The following CACNG2 variants were observed in gnomAD, a reference collection of about 807,000 sequenced individuals.
CACNG2 encodes voltage-dependent calcium channel gamma-2 subunit.
A neutral mutation model predicts 25.9 loss-of-function variants in CACNG2; 3 were observed. The ratio of observed to expected loss-of-function variants is 0.12; its 90% CI spans 0.05 to 0.30. The LOEUF (loss-of-function observed/expected upper bound fraction) is 0.30, where lower values mean the gene tolerates loss of function less well. Among genes scored for constraint, CACNG2 ranks in the 10% least tolerant of loss-of-function variants. CACNG2 has a pLI of 1.00. For synonymous variants in CACNG2, 167 were observed against 173.3 expected (o/e 0.96, Z 0.29); for missense variants, 341 against 432.5 (o/e 0.79, Z 1.88).
At chr22:36,600,363 C>A (rs1215156708) in intron 1 of CACNG2, among the ~76,000 whole-genome samples, 1 of 151,868 alleles carries the variant, frequency 6.6e-6, no homozygotes, top group East Asian at 1.9e-4. Flanking sequence ...GATCCTCCTG[C>A]CTCAGTCTCC....
At chr22:36,697,632 A>G (rs1031883113) in intron 1 of CACNG2, among the ~76,000 whole-genome samples, 1 of 152,146 alleles carries the variant, frequency 6.6e-6, no homozygotes, top group African/African-American at 2.4e-5. Flanking sequence ...CAGGTAGAGG[A>G]GCCGGGTTTG....
chr22:36,673,728 C>T (rs554798075), intron 1 of CACNG2, among the ~76,000 whole-genome samples: 14 of 152,250 alleles, frequency 9.2e-5, no homozygotes, highest in African/African-American at 3.4e-4. Context: ...CCTCTCTCTT[C>T]AGAGGTTCCT....
At chr22:36,631,468 C>A (rs1244324785) in intron 1 of CACNG2, among the ~76,000 whole-genome samples, 1 of 152,150 alleles carries the variant, frequency 6.6e-6, no homozygotes, top group African/African-American at 2.4e-5. Flanking sequence ...CCAGGATGGT[C>A]TTCCTGTCCA....
In CACNG2 at chr22:36,606,727, A is replaced by G. The variant is rs1007378501; in HGVS notation, c.212-19179T>C. 1.3e-5 allele frequency among the ~76,000 whole-genome samples: 2 copies of G among 151,922 alleles called. No individual in the cohort carries two copies. Among genetic ancestry groups the G allele is most frequent in the Non-Finnish European group, 2.9e-5 (2 of 67,976 alleles). On this transcript the variant is annotated intron_variant, in intron 1 of 3. Coordinates refer to ENST00000300105, the MANE Select transcript of CACNG2 (RefSeq NM_006078.5). The surrounding 1 kb of genome is among the most constrained non-coding windows in gnomAD (Gnocchi z 5.7). ...GATGCTGAAGCCAGAAGTGTCATTTAGAGGACGGAAACCAGACGGTTGGGC... is the reference window on the plus strand; with the variant it reads ...GATGCTGAAGCCAGAAGTGTCATTTGGAGGACGGAAACCAGACGGTTGGGC...
At chr22:36,581,202 T>C (rs756545844) in intron 2 of CACNG2, among the ~76,000 whole-genome samples, 6 of 152,064 alleles carry the variant, frequency 3.9e-5, no homozygotes, top group Non-Finnish European at 7.4e-5. Context: ...GTAAGCCAGT[T>C]ATAGGTGGGG....
At chr22:36,701,159 G>A (rs1038736555) in intron 1 of CACNG2, among the ~76,000 whole-genome samples, 5 of 151,990 alleles carry the variant, frequency 3.3e-5, no homozygotes, top group Admixed American at 2.0e-4. Context: ...TGCCTCAAAC[G>A]GCCCCCAGTA....
At chr22:36,685,321 T>C (rs1351693208) in intron 1 of CACNG2, among the ~76,000 whole-genome samples, 1 of 151,884 alleles carries the variant, frequency 6.6e-6, no homozygotes, top group Non-Finnish European at 1.5e-5. Flanking sequence ...GCAGCTTCCA[T>C]CTCTCCCGGG....
intron 1 of CACNG2, among the ~76,000 whole-genome samples, chr22:36,692,503 C>G (rs1486525082): frequency 6.6e-6 from 1 of 152,234 alleles, no homozygotes; most frequent in Admixed American, 6.5e-5. Flanking sequence ...GGAGGCACCA[C>G]AGAGGACCTC....
At chr22:36,665,711 AAACAAAAAACAACAAC>A (rs1464008665) in intron 1 of CACNG2, among the ~76,000 whole-genome samples, 1 of 152,236 alleles carries the variant, frequency 6.6e-6, no homozygotes, top group Non-Finnish European at 1.5e-5. Flanking sequence ...CAAAGCAAAC[AAACAAAAAACAACAAC>A]AACAAAAAAC....
chr22:36,686,547 T>C (rs533978747), intron 1 of CACNG2, among the ~76,000 whole-genome samples: 113 of 152,258 alleles, frequency 7.4e-4, no homozygotes, highest in African/African-American at 2.5e-3. Flanking sequence ...AGCTGGGGAT[T>C]CTATCCACCC....
intron 1 of CACNG2, among the ~76,000 whole-genome samples, chr22:36,678,653 TATG>T (rs1206365467): frequency 1.4e-5 from 2 of 142,070 alleles, no homozygotes; most frequent in African/African-American, 5.3e-5. Context: ...ACACTACGGA[TATG>T]ACCTCATTTC....
At chr22:36,662,155 T>G (rs796079636) in intron 1 of CACNG2, among the ~76,000 whole-genome samples, 11 of 151,868 alleles carry the variant, frequency 7.2e-5, no homozygotes, top group African/African-American at 2.2e-4. Context: ...ATTTTTTTTG[T>G]ATTTTTAGTA....
At position 36,653,332 on chromosome 22, in the gene CACNG2, CAAAAG is replaced by C. The variant is rs555887299; in HGVS notation, c.211+49029_211+49033del. Among the ~76,000 whole-genome samples, 42 of 151,796 alleles carry C rather than the reference CAAAAG, an allele frequency of 2.8e-4. No homozygotes were observed. The South Asian group carries it at 5.6e-3, about 20-fold the overall frequency. On this transcript the variant is annotated intron_variant, in intron 1 of 3. Coordinates refer to ENST00000300105, the MANE Select transcript of CACNG2 (RefSeq NM_006078.5). ...AGAGTGAAGCTCAGTCTCAAAAAAA[CAAAAG>C]AAAACAAAAAACGGATGAGTTGCTA...
chr22:36,683,244 C>T (rs1937150285), intron 1 of CACNG2, among the ~76,000 whole-genome samples: 1 of 152,222 alleles, frequency 6.6e-6, no homozygotes, highest in Non-Finnish European at 1.5e-5. Context: ...TAAGAAGTAG[C>T]TATGTCTCTT....
At chr22:36,626,215 C>CG (rs1280970959) in intron 1 of CACNG2, among the ~76,000 whole-genome samples, 1 of 152,290 alleles carries the variant, frequency 6.6e-6, no homozygotes, top group African/African-American at 2.4e-5. Flanking sequence ...CCACCGCACC[C>CG]GGCGACACCT....
intron 2 of CACNG2, among the ~76,000 whole-genome samples, chr22:36,570,790 A>C (rs1455423016): frequency 6.7e-6 from 1 of 149,862 alleles, no homozygotes; most frequent in Admixed American, 6.6e-5. Context: ...AAAAGGCAAC[A>C]GTGGGCAACC....
intron 1 of CACNG2, among the ~76,000 whole-genome samples, chr22:36,672,938 G>GA (rs919529114): frequency 6.6e-6 from 1 of 152,204 alleles, no homozygotes; most frequent in African/African-American, 2.4e-5. Context: ...GTTATGTGTT[G>GA]AAGGAGGCTG....
chr22:36,604,678 A>G (rs1603501420), intron 1 of CACNG2, among the ~76,000 whole-genome samples: 3 of 152,368 alleles, frequency 2.0e-5, no homozygotes. Flanking sequence ...TCAGATGGTC[A>G]GTAGCATTTT....
chr22:36,582,123 C>G (rs1402340441), intron 2 of CACNG2, among the ~76,000 whole-genome samples: 2 of 152,252 alleles, frequency 1.3e-5, no homozygotes, highest in African/African-American at 4.8e-5. Context: ...ATTATAGCAA[C>G]AGAGTTTTAA....
Sources: allele counts gnomAD v4.1 joint callset (sites outside exome capture counted in the v4.1 genomes callset), GRCh38; gene constraint gnomAD v4.1.1; non-coding constraint Gnocchi (gnomAD v3.1); transcripts MANE v1.5; gene names NCBI Gene and HGNC (gene_info 2026-07-23, HGNC 2026-07-21).